The following ODAD2 variants were observed in gnomAD, a reference collection of about 807,000 sequenced individuals.
The protein encoded by ODAD2 is outer dynein arm-docking complex subunit 2.
Under a neutral mutation model 106.8 loss-of-function variants are expected in ODAD2, and 89 were observed. That is an observed-to-expected ratio of 0.83 (90% CI 0.70 to 0.99). The LOEUF is 0.99. Among genes scored for constraint, ODAD2 ranks in the 50% least tolerant of loss-of-function variants. The probability of loss-of-function intolerance (pLI) is 0.00; values close to 1 mark genes in which losing one functional copy is unlikely to be tolerated. For synonymous variants in ODAD2, 404 were observed against 436.2 expected (o/e 0.93, Z 0.92); for missense variants, 1,168 against 1,238.5 (o/e 0.94, Z 0.85).
intron 2 of ODAD2, among the ~76,000 whole-genome samples, chr10:27,987,888 T>C (rs1468882590): frequency 1.3e-5 from 2 of 151,950 alleles, no homozygotes; most frequent in Admixed American, 6.6e-5. Context: ...AATCATTGGT[T>C]CTGCAAAACC....
chr10:27,986,013 A>T (rs1849854939), intron 3 of ODAD2, among the ~76,000 whole-genome samples: 1 of 152,112 alleles, frequency 6.6e-6, no homozygotes, highest in Admixed American at 6.6e-5. Flanking sequence ...GGGGGTGGAG[A>T]GGAAGGCCTA....
At chr10:27,817,523 T>C (rs1339588862) in intron 19 of ODAD2, among the ~76,000 whole-genome samples, 2 of 152,164 alleles carry the variant, frequency 1.3e-5, no homozygotes, top group Non-Finnish European at 2.9e-5. Flanking sequence ...TTTTGGGGTC[T>C]CCAATGTCTA....
At chr10:27,865,008 C>A (rs1322718467) in intron 17 of ODAD2, among the ~76,000 whole-genome samples, 2 of 152,114 alleles carry the variant, frequency 1.3e-5, no homozygotes, top group Non-Finnish European at 2.9e-5. Context: ...ACTGAGTGAT[C>A]ATTAGAAACC....
At chr10:27,915,797 C>G (rs972303636) in intron 16 of ODAD2, among the ~76,000 whole-genome samples, 2 of 152,096 alleles carry the variant, frequency 1.3e-5, no homozygotes, top group African/African-American at 4.8e-5. Context: ...CACACAAAAC[C>G]ATTGTGTGTG....
chr10:27,896,899 A>T (rs1458382474), intron 17 of ODAD2, among the ~76,000 whole-genome samples: 1 of 151,986 alleles, frequency 6.6e-6, no homozygotes, highest in African/African-American at 2.4e-5. Context: ...TCTAGAAAAA[A>T]CTATGAATCC....
At chr10:27,941,257 G>C (rs978509318) in intron 12 of ODAD2, among the ~76,000 whole-genome samples, 73 of 151,908 alleles carry the variant, frequency 4.8e-4, no homozygotes, top group African/African-American at 1.6e-3. Flanking sequence ...CTCGAGGTGG[G>C]AGGATCACTT....
At chr10:27,936,426 T>A (rs993106499) in intron 15 of ODAD2, among the ~76,000 whole-genome samples, 3 of 152,208 alleles carry the variant, frequency 2.0e-5, no homozygotes, top group South Asian at 4.1e-4. Context: ...CCTTGATAGG[T>A]CCCCACAGAA....
rs762723536 is a variant in ODAD2 at position 27,944,301 on chromosome 10, G to A, written c.1664C>T (p.Ala555Val). Reference protein sequence around the residue: ...DSPHKSLKCLAAETIANVAKF... With the variant: ...DSPHKSLKCLVAETIANVAKF... ...GGCAACATTCGCGATAGTCTCGGCT[G>A]CCAAACATTTTAGACTCTTGTGTGG... The change falls in exon 12 of 20, where the codon GCA (alanine) becomes GTA (valine). Residue 555 changes from alanine to valine, a missense_variant. By Grantham distance (64) the Ala-to-Val change is moderately conservative. Around this residue, in one of 3 missense-constraint regions of ODAD2, gnomAD observed 701 missense variants for 712.3 expected, o/e 0.98. Coordinates refer to ENST00000305242, the MANE Select transcript of ODAD2 (RefSeq NM_018076.5). 6.2e-7 allele frequency: 1 copy of A among 1,614,042 alleles called. No individual in the cohort carries two copies. The highest frequency in any genetic ancestry group is 1.1e-5 in the South Asian group (1 of 91,072).
chr10:27,827,664 G>A (rs1310341674), intron 19 of ODAD2, among the ~76,000 whole-genome samples: 1 of 151,828 alleles, frequency 6.6e-6, no homozygotes, highest in African/African-American at 2.4e-5. Flanking sequence ...TATCATTTTA[G>A]TTGCAACCAC....
chr10:27,985,040 T>C lies in ODAD2; in HGVS notation c.554A>G (p.His185Arg). ...LKQLDLHLLN[H>R]SLKHISLEIS... ...TCACAATGAAATATGTTTTAGAGAA[T>C]GATTGAGGAGGTGCAGATCCAATTG... Residue 185 changes from histidine (H) to arginine (R), a missense_variant, in exon 4 of 20, where the codon CAT becomes CGT. His to Arg is a conservative substitution (Grantham distance 29, BLOSUM62 0). This residue lies in a region of ODAD2 where 430 missense variants were observed against 452.2 expected (regional missense o/e 0.95). Transcript: ENST00000305242. 6.2e-7 allele frequency: 1 copy of C among 1,608,392 alleles called. No homozygotes were observed. Among genetic ancestry groups the C allele is most frequent in the Non-Finnish European group, 8.5e-7 (1 of 1,178,166 alleles).
intron 8 of ODAD2, among the ~76,000 whole-genome samples, chr10:27,969,489 G>A (rs1462126682): frequency 2.0e-5 from 3 of 152,300 alleles, no homozygotes; most frequent in Admixed American, 2.0e-4. Context: ...GGAAAAAGCA[G>A]TATTTTAAAA....
intron 10 of ODAD2, among the ~76,000 whole-genome samples, chr10:27,945,454 G>A (rs2132643535): frequency 6.6e-6 from 1 of 152,316 alleles, no homozygotes; most frequent in Admixed American, 6.5e-5. Flanking sequence ...TGAGGGCCGT[G>A]GGATTGGGAA....
intron 10 of ODAD2, among the ~76,000 whole-genome samples, chr10:27,949,745 C>T (rs1328631058): frequency 1.3e-5 from 2 of 152,040 alleles, no homozygotes; most frequent in Non-Finnish European, 2.9e-5. Flanking sequence ...CTGCAGAGGC[C>T]GCTGGCTGGA....
intron 19 of ODAD2, among the ~76,000 whole-genome samples, chr10:27,834,249 G>A (rs1837695967): frequency 6.6e-6 from 1 of 152,116 alleles, no homozygotes; most frequent in Non-Finnish European, 1.5e-5. Context: ...AACATTATAC[G>A]TGCATGTGGT....
intron 19 of ODAD2, among the ~76,000 whole-genome samples, chr10:27,834,462 C>T (rs564802756): frequency 2.6e-5 from 4 of 152,230 alleles, no homozygotes; most frequent in African/African-American, 9.6e-5. Context: ...AATCATCACA[C>T]GGCCACACCA....
At chr10:27,853,282 G>A (rs532731258) in intron 19 of ODAD2, 45 of 239,940 alleles carry the variant, frequency 1.9e-4, no homozygotes, top group South Asian at 1.7e-3. Context: ...CAGGAGAATC[G>A]CTTGAATCCG....
Position 27,812,494 on chromosome 10 carries a change from G to A in ODAD2, c.*18C>T, listed in dbSNP as rs981225478. On this transcript the variant is annotated 3_prime_UTR_variant, in exon 20 of 20. Coordinates refer to ENST00000305242, the MANE Select transcript of ODAD2 (RefSeq NM_018076.5). ...TGTGTCATGTAGAATTTGATAGCTT[G>A]TAATGTCCATTTAAATTTCAAGTGT... 1.9e-6 allele frequency: 3 copies of A among 1,611,336 alleles called. No homozygotes were observed. Among genetic ancestry groups the A allele is most frequent in the Non-Finnish European group, 2.5e-6 (3 of 1,178,630 alleles).
At chr10:27,872,776 T>A (rs1841001968) in intron 17 of ODAD2, among the ~76,000 whole-genome samples, 1 of 152,196 alleles carries the variant, frequency 6.6e-6, no homozygotes, top group Non-Finnish European at 1.5e-5. Context: ...TATTGAAGAT[T>A]TTTGCAACGA....
chr10:27,905,950 G>A (rs1843557554), intron 17 of ODAD2, among the ~76,000 whole-genome samples: 1 of 152,134 alleles, frequency 6.6e-6, no homozygotes, highest in Non-Finnish European at 1.5e-5. Context: ...TCAGGACATA[G>A]GAATGGGCTA....
Sources: gnomAD v4.1 joint callset for allele counts (sites outside exome capture counted in the v4.1 genomes callset) on GRCh38, gnomAD v4.1.1 for gene constraint, gnomAD v4.1.1 regional missense constraint, MANE v1.5 for transcripts, NCBI Gene and HGNC (gene_info 2026-07-23, HGNC 2026-07-21) for gene names.